The following TG variants were observed in gnomAD, a reference collection of about 807,000 sequenced individuals.
TG encodes thyroglobulin.
Under a neutral mutation model 324.7 loss-of-function variants are expected in TG, and 270 were observed. The ratio of observed to expected loss-of-function variants is 0.83; its 90% confidence interval spans 0.75 to 0.92. The LOEUF is 0.92. TG is among the 40% of genes least tolerant of loss of function. The pLI is 0.00. For synonymous variants in TG, 1,401 were observed against 1,327.0 expected (o/e 1.06, Z -1.21); for missense variants, 3,591 against 3,456.4 (o/e 1.04, Z -0.98).
intron 42 of TG, 117 bp downstream of exon 42, chr8:133,095,325 C>A: frequency 1.4e-6 from 2 of 1,401,418 alleles, no homozygotes; most frequent in Admixed American, 1.7e-5. Context: ...AGGCTGATGA[C>A]CAACTGGAGC....
chr8:133,028,507 T>C (rs1350789636), intron 40 of TG, among the ~76,000 whole-genome samples: 1 of 152,230 alleles, frequency 6.6e-6, no homozygotes, highest in Non-Finnish European at 1.5e-5. Context: ...TGTTAGAACC[T>C]AAACCTGTTC....
Position 132,941,331 on chromosome 8 carries a change from T to G in TG, c.5042-20T>G. ...CCATGTTTTGAGGTCTTTTAAAATT[T>G]TGTTCTGCCTTTCCCCCAGGCCAAG... On this transcript the variant is annotated intron_variant, in intron 25 of 47. Transcript: ENST00000220616. 1 of 1,614,208 alleles carries G rather than the reference T, an allele frequency of 6.2e-7. No homozygotes were observed. The highest frequency in any genetic ancestry group is 8.5e-7 in the Non-Finnish European group (1 of 1,180,032).
rs374409634 is a variant in TG, at chr8:133,061,729, G to C, written c.7239+31706G>C. Among the ~76,000 whole-genome samples the C allele has an allele frequency of 9.3e-4, 142 of 152,228 alleles. 8 individuals are homozygous for C. The South Asian group carries it at 0.028, about 30-fold the overall frequency. On this transcript the variant is annotated intron_variant, in intron 41 of 47. Coordinates refer to ENST00000220616, the MANE Select transcript of TG (RefSeq NM_003235.5). The stretch of plus-strand genomic sequence containing the variant: ...GCAGCTCAGGATCAAACCTTATGAA[G>C]GGCACAAAAGTCAGCCCATCCAACT...
At chr8:132,936,876 G>A (rs1329908110) in intron 25 of TG, among the ~76,000 whole-genome samples, 2 of 152,174 alleles carry the variant, frequency 1.3e-5, no homozygotes, top group African/African-American at 2.4e-5. Flanking sequence ...AAGGGAGGAC[G>A]GTGGGGCCCG....
At chr8:133,085,156 A>G (rs181248685) in intron 41 of TG, among the ~76,000 whole-genome samples, 188 of 152,318 alleles carry the variant, frequency 1.2e-3, no homozygotes, top group African/African-American at 2.1e-3. Context: ...TAAGCTTGCA[A>G]GTATAAAAAT....
intron 41 of TG, among the ~76,000 whole-genome samples, chr8:133,052,580 C>T (rs1281452227): frequency 6.6e-6 from 1 of 152,202 alleles, no homozygotes; most frequent in African/African-American, 2.4e-5. Context: ...GGGATTCTTC[C>T]CTGTGTAGCT....
chr8:132,963,253 G>A (rs1280921219), intron 29 of TG, among the ~76,000 whole-genome samples, 179 bp downstream of exon 29: 2 of 152,108 alleles, frequency 1.3e-5, no homozygotes, highest in Non-Finnish European at 2.9e-5. Context: ...CTCCTCAGAT[G>A]GGCAATTGTC....
rs1367327934 is a variant in TG at position 133,014,665 on chromosome 8, A to G, written c.6562+901A>G. On this transcript the variant is annotated intron_variant, in intron 37 of 47. Coordinates refer to ENST00000220616, the MANE Select transcript of TG (RefSeq NM_003235.5). ...TTTATTTACAAAACCAAGTAGCAGCAGATTTGGCCCCATGCTGTCCTAGAG... is the reference window on the plus strand; with the variant it reads ...TTTATTTACAAAACCAAGTAGCAGCGGATTTGGCCCCATGCTGTCCTAGAG... 2.6e-5 allele frequency among the ~76,000 whole-genome samples: 4 copies of G among 152,368 alleles called. No individual in the cohort carries two copies. The East Asian group carries it at 5.8e-4, about 22-fold the overall frequency.
chr8:133,129,600 G>A (rs1851795728), intron 45 of TG, among the ~76,000 whole-genome samples: 1 of 152,088 alleles, frequency 6.6e-6, no homozygotes, highest in Non-Finnish European at 1.5e-5. Context: ...GGGCTCAAGT[G>A]ATCCTCCTGC....
intron 12 of TG, 102 bp downstream of exon 12, chr8:132,897,888 T>A: frequency 7.1e-7 from 1 of 1,414,166 alleles, no homozygotes; most frequent in East Asian, 2.4e-5. Context: ...ACTCTTAGGC[T>A]CCTCTTTAGC....
In TG at chr8:132,935,828, C is replaced by A; in HGVS notation, c.5005C>A (p.His1669Asn). ...SLRCQVKVRSHGQDSPAVYLK... is the reference protein window; with the variant it reads ...SLRCQVKVRSNGQDSPAVYLK... Reference sequence around the variant, plus strand: ...TCGCTGCCAGGTGAAAGTGAGGAGCCATGGTCAAGATTCTCCAGCTGTGTA... The same window carrying A: ...TCGCTGCCAGGTGAAAGTGAGGAGCAATGGTCAAGATTCTCCAGCTGTGTA... The change falls in exon 25 of 48, where the codon CAT becomes AAT. Residue 1669 changes from histidine to asparagine, a missense_variant. His to Asn is a moderately conservative substitution (Grantham distance 68). Coordinates refer to ENST00000220616, the MANE Select transcript of TG (RefSeq NM_003235.5). 1.2e-6 allele frequency: 2 copies of A among 1,612,712 alleles called. No individual in the cohort carries two copies. Among genetic ancestry groups the A allele is most frequent in the South Asian group, 2.2e-5 (2 of 91,018 alleles).
At chr8:133,075,032 G>A (rs1844648419) in intron 41 of TG, 3 of 985,328 alleles carry the variant, frequency 3.0e-6, no homozygotes, top group African/African-American at 1.7e-5. Context: ...TAAACTGGCC[G>A]CATACTTCCT....
At chr8:132,980,585 C>T (rs572925717) in intron 34 of TG, among the ~76,000 whole-genome samples, 8 of 152,218 alleles carry the variant, frequency 5.3e-5, no homozygotes, top group Non-Finnish European at 1.2e-4. Context: ...TTATTGATCC[C>T]AAGGAGGAGG....
chr8:133,123,054 A>G (rs1851262119), intron 45 of TG, among the ~76,000 whole-genome samples: 1 of 152,022 alleles, frequency 6.6e-6, no homozygotes, highest in African/African-American at 2.4e-5. Flanking sequence ...TACCCACCTG[A>G]TGCCAGCAGC....
At chr8:133,040,807 A>T (rs1838074506) in intron 41 of TG, among the ~76,000 whole-genome samples, 1 of 152,204 alleles carries the variant, frequency 6.6e-6, no homozygotes, top group Non-Finnish European at 1.5e-5. Flanking sequence ...GAGGGAAGAG[A>T]AAACAAAGAT....
chr8:132,898,037 G>A, intron 12 of TG, 132 bp from the exon 13 acceptor site: 1 of 970,406 alleles, frequency 1.0e-6, no homozygotes, highest in East Asian at 2.6e-5. Flanking sequence ...TGTCCGGCTG[G>A]GGGTCTAGAC....
chr8:133,010,190 T>G (rs1194517756), intron 35 of TG, among the ~76,000 whole-genome samples: 1 of 152,150 alleles, frequency 6.6e-6, no homozygotes, highest in Non-Finnish European at 1.5e-5. Flanking sequence ...CCTAGTTATT[T>G]TCCAGCTCCA....
At chr8:133,035,154 C>A (rs1836975405) in intron 41 of TG, among the ~76,000 whole-genome samples, 1 of 152,080 alleles carries the variant, frequency 6.6e-6, no homozygotes, top group African/African-American at 2.4e-5. Context: ...TTCTTTGTTT[C>A]CTGATCAATT....
At chr8:133,111,490 G>A (rs1850244882) in intron 43 of TG, among the ~76,000 whole-genome samples, 1 of 152,188 alleles carries the variant, frequency 6.6e-6, no homozygotes, top group African/African-American at 2.4e-5. Context: ...GGCAGAAAAG[G>A]ACAGAGAATA....
Sources: gnomAD v4.1 joint callset for allele counts (sites outside exome capture counted in the v4.1 genomes callset) on GRCh38, gnomAD v4.1.1 for gene constraint, MANE v1.5 for transcripts, NCBI Gene and HGNC (gene_info 2026-07-23, HGNC 2026-07-21) for gene names.